The following STK31 variants were observed in gnomAD, a reference collection of about 807,000 sequenced individuals.
STK31 encodes serine/threonine-protein kinase 31.
STK31 carries 89 observed loss-of-function variants against 129.7 expected under a neutral mutation model. The ratio of observed to expected loss-of-function variants is 0.69; its 90% CI spans 0.58 to 0.82. STK31 has a LOEUF of 0.82. STK31 is among the 40% of genes least tolerant of loss of function. STK31 has a pLI of 0.00. For missense variants in STK31, 1,187 were observed against 1,176.4 expected, an observed-to-expected ratio of 1.01 and a Z score of -0.13; for synonymous variants, 448 against 395.3, an observed-to-expected ratio of 1.13 and a Z score of -1.58.
At chr7:23,728,680 A>G (rs1330639673) in intron 5 of STK31, among the ~76,000 whole-genome samples, 1 of 152,190 alleles carries the variant, frequency 6.6e-6, no homozygotes, top group African/African-American at 2.4e-5. Flanking sequence ...ATTGTGTCAA[A>G]GGAAGTTTGA....
chr7:23,757,123 G>A lies in STK31; in HGVS notation c.1293+2649G>A, dbSNP rs148822292. Among the ~76,000 whole-genome samples the A allele has an allele frequency of 3.0e-3, 449 of 152,190 alleles. 15 individuals are homozygous for A. In the East Asian group the frequency reaches 0.074, roughly 25 times the overall value. ...CGGCTGTGAATCTGTCTGGTCCTGG[G>A]CTTTTTTTGGTCGGTAGGCTGTTAA... On this transcript the variant is annotated intron_variant, in intron 10 of 23. Transcript: ENST00000355870.
chr7:23,769,395 C>G (rs536375385), intron 12 of STK31, among the ~76,000 whole-genome samples: 1 of 152,210 alleles, frequency 6.6e-6, no homozygotes, highest in Non-Finnish European at 1.5e-5. Flanking sequence ...TTTTTCTCAG[C>G]TTTTCCTAAG....
intron 6 of STK31, among the ~76,000 whole-genome samples, chr7:23,730,671 A>G (rs1325117751): frequency 6.6e-6 from 1 of 151,770 alleles, no homozygotes; most frequent in Non-Finnish European, 1.5e-5. Context: ...AGCTAGGCCT[A>G]GAACTCAAGT....
intron 23 of STK31, among the ~76,000 whole-genome samples, chr7:23,822,956 A>G (rs999875953): frequency 6.6e-6 from 1 of 152,172 alleles, no homozygotes; most frequent in East Asian, 1.9e-4. Context: ...ATAGTATTCC[A>G]TGGTGTATAT....
chr7:23,828,473 T>C (rs1332877501), intron 23 of STK31, among the ~76,000 whole-genome samples: 1 of 152,204 alleles, frequency 6.6e-6, no homozygotes, highest in Non-Finnish European at 1.5e-5. Flanking sequence ...AGTGACCCGA[T>C]TTTCCAGGTG....
At chr7:23,796,756 T>C (rs952456783) in intron 22 of STK31, among the ~76,000 whole-genome samples, 5 of 152,188 alleles carry the variant, frequency 3.3e-5, no homozygotes, top group Admixed American at 6.5e-5. Flanking sequence ...GTCTCACACA[T>C]AGCAATATGA....
chr7:23,782,273 G>A (rs1790975805), intron 16 of STK31, among the ~76,000 whole-genome samples: 2 of 151,810 alleles, frequency 1.3e-5, no homozygotes, highest in Admixed American at 1.3e-4. Flanking sequence ...GGGAGTTTGA[G>A]ACCAGCTTGG....
At chr7:23,796,378 G>T (rs1198400799) in intron 22 of STK31, among the ~76,000 whole-genome samples, 3 of 151,550 alleles carry the variant, frequency 2.0e-5, no homozygotes, top group African/African-American at 7.3e-5. Flanking sequence ...TTTCTGGGAG[G>T]ACTCATAAGA....
At chr7:23,742,876 G>T (rs1788131655) in intron 8 of STK31, among the ~76,000 whole-genome samples, 1 of 151,730 alleles carries the variant, frequency 6.6e-6, no homozygotes, top group Admixed American at 6.6e-5. Flanking sequence ...TTGTGGTTTG[G>T]TGTGTTTCTG....
chr7:23,829,242 A>T (rs1298630131), intron 23 of STK31, among the ~76,000 whole-genome samples: 4 of 151,944 alleles, frequency 2.6e-5, no homozygotes, highest in African/African-American at 9.7e-5. Flanking sequence ...CCATTTAGTA[A>T]TGATGTTAGC....
At chr7:23,815,965 T>C (rs1170490127) in intron 23 of STK31, among the ~76,000 whole-genome samples, 1 of 152,170 alleles carries the variant, frequency 6.6e-6, no homozygotes, top group Non-Finnish European at 1.5e-5. Flanking sequence ...CTTAGCTATT[T>C]TGAGTTAAGA....
chr7:23,812,783 T>C (rs2128126292), intron 22 of STK31, among the ~76,000 whole-genome samples: 1 of 152,314 alleles, frequency 6.6e-6, no homozygotes, highest in South Asian at 2.1e-4. Flanking sequence ...CTTTCTGATT[T>C]TGAGTTGTTT....
chr7:23,819,726 T>C (rs1161458131), intron 23 of STK31, among the ~76,000 whole-genome samples: 1 of 152,194 alleles, frequency 6.6e-6, no homozygotes, highest in Non-Finnish European at 1.5e-5. Context: ...CAGTCTGATA[T>C]GTGCTTTGGT....
chr7:23,784,167 A>G (rs903204431), intron 17 of STK31, among the ~76,000 whole-genome samples: 2 of 152,130 alleles, frequency 1.3e-5, no homozygotes, highest in Non-Finnish European at 2.9e-5. Flanking sequence ...CATAGGGAGC[A>G]GGATTAGTAA....
chr7:23,730,878 A>ATTT (rs60712892), intron 6 of STK31, among the ~76,000 whole-genome samples: 121 of 59,510 alleles, frequency 2.0e-3, no homozygotes, highest in South Asian at 3.3e-3. Flanking sequence ...ATATATATAT[A>ATTT]TTTTTTTTTT....
At chr7:23,824,979 G>A (rs2128131813) in intron 23 of STK31, among the ~76,000 whole-genome samples, 1 of 152,228 alleles carries the variant, frequency 6.6e-6, no homozygotes, top group East Asian at 1.9e-4. Flanking sequence ...GCTTTTTGAT[G>A]TGTTGCTGGA....
chr7:23,750,067 T>TCCACCCCCCCCCC (rs1554287953), intron 8 of STK31, among the ~76,000 whole-genome samples: 1 of 90,556 alleles, frequency 1.1e-5, no homozygotes, highest in Non-Finnish European at 2.3e-5. Flanking sequence ...ATGGTTTGTT[T>TCCACCCCCCCCCC]CCCCCCCCGC....
intron 22 of STK31, among the ~76,000 whole-genome samples, chr7:23,803,741 T>C (rs570521646): frequency 3.9e-5 from 6 of 152,306 alleles, no homozygotes; most frequent in African/African-American, 1.4e-4. Flanking sequence ...CCTCCTACCC[T>C]CTGCCCTTAA....
intron 23 of STK31, among the ~76,000 whole-genome samples, chr7:23,826,412 G>T (rs1004285842): frequency 3.9e-5 from 6 of 152,184 alleles, no homozygotes; most frequent in African/African-American, 1.4e-4. Context: ...CTGAGACTAG[G>T]ATTGCAACCC....
Sources: gnomAD v4.1 joint callset for allele counts (sites outside exome capture counted in the v4.1 genomes callset) on GRCh38, gnomAD v4.1.1 for gene constraint, MANE v1.5 for transcripts, NCBI Gene and HGNC (gene_info 2026-07-23, HGNC 2026-07-21) for gene names.